DSCAML1: variants seen among roughly 807,000 people sequenced by gnomAD.
DSCAML1 encodes cell adhesion molecule DSCAML1.
Under a neutral mutation model 200.5 loss-of-function variants are expected in DSCAML1, and 38 were observed. That is an observed-to-expected ratio of 0.19 (90% confidence interval 0.15 to 0.25). The LOEUF is 0.25. DSCAML1 is among the 10% of genes least tolerant of loss of function. The pLI is 1.00. For missense variants in DSCAML1, 2,223 were observed against 2,858.8 expected (o/e 0.78, Z 5.07); for synonymous variants, 1,215 against 1,165.0 (o/e 1.04, Z -0.87).
chr11:117,613,971 G>A (rs1176092933), intron 3 of DSCAML1, among the ~76,000 whole-genome samples: 1 of 152,146 alleles, frequency 6.6e-6, no homozygotes, highest in African/African-American at 2.4e-5. Flanking sequence ...GGTGGGGCAG[G>A]GGTGTGGGGA....
chr11:117,508,956 C>G (rs79071644), intron 8 of DSCAML1, among the ~76,000 whole-genome samples: 5,393 of 152,186 alleles, frequency 0.035, 334 homozygotes, highest in African/African-American at 0.12. Flanking sequence ...GAGCAAGTTA[C>G]TAAGGCAGGT....
rs200183756 is a variant in DSCAML1, at chr11:117,428,305, C to T, written c.*23G>A. 79 of 1,344,736 alleles carry T rather than the reference C, an allele frequency of 5.9e-5. No homozygotes were observed. Among genetic ancestry groups the T allele is most frequent in the Non-Finnish European group, 6.9e-5 (66 of 949,982 alleles). The allele number at this position is 1,344,736 out of a possible 1,614,324, so 83.3% of individuals were successfully genotyped here. A position where few individuals can be genotyped will look rare whatever the true frequency, so the allele number is the denominator to read the frequency against. ...GGGCTGCGGCGCGGCGCGGTCCAGG[C>T]GTGGCTGCTCTTCCTGCGGGCCCTA... On this transcript the variant is annotated 3_prime_UTR_variant, in exon 33 of 33. Coordinates refer to ENST00000651296, the MANE Select transcript of DSCAML1 (RefSeq NM_020693.4).
At chr11:117,746,016 C>A (rs933662811) in intron 3 of DSCAML1, among the ~76,000 whole-genome samples, 1 of 151,406 alleles carries the variant, frequency 6.6e-6, no homozygotes, top group African/African-American at 2.4e-5. Flanking sequence ...AGATCGAGAA[C>A]ACCCTGGATA....
At chr11:117,492,588 C>T (rs1432377368) in intron 11 of DSCAML1, among the ~76,000 whole-genome samples, 1 of 152,130 alleles carries the variant, frequency 6.6e-6, no homozygotes, top group African/African-American at 2.4e-5. Flanking sequence ...CCCCAACCCA[C>T]CCCACTCCCC....
At chr11:117,679,336 C>T (rs1370930446) in intron 3 of DSCAML1, among the ~76,000 whole-genome samples, 2 of 152,188 alleles carry the variant, frequency 1.3e-5, no homozygotes, top group East Asian at 3.9e-4. Context: ...GCTGTGCAGT[C>T]AGCAGCCCTT....
chr11:117,578,204 C>T (rs2050981825), intron 3 of DSCAML1, among the ~76,000 whole-genome samples: 1 of 142,320 alleles, frequency 7.0e-6, no homozygotes, highest in African/African-American at 2.7e-5. Context: ...CATTGTATTC[C>T]AGCCTGGGCA....
chr11:117,628,676 G>A (rs985273060), intron 3 of DSCAML1, among the ~76,000 whole-genome samples: 1 of 152,108 alleles, frequency 6.6e-6, no homozygotes, highest in African/African-American at 2.4e-5. Context: ...CTTGCATTGT[G>A]GTGAAGGGTA....
intron 3 of DSCAML1, among the ~76,000 whole-genome samples, chr11:117,615,356 C>A (rs2051790920): frequency 6.6e-6 from 1 of 152,218 alleles, no homozygotes; most frequent in African/African-American, 2.4e-5. Context: ...GTCCTGGATG[C>A]TGGGCCTGCT....
intron 3 of DSCAML1, among the ~76,000 whole-genome samples, chr11:117,576,952 C>T (rs2050943812): frequency 6.6e-6 from 1 of 152,230 alleles, no homozygotes; most frequent in African/African-American, 2.4e-5. Flanking sequence ...CCACTTTTCA[C>T]ATGACTTGGG....
At chr11:117,559,627 C>T (rs542949757) in intron 3 of DSCAML1, among the ~76,000 whole-genome samples, 4 of 152,176 alleles carry the variant, frequency 2.6e-5, no homozygotes, top group Non-Finnish European at 4.4e-5. Flanking sequence ...TTTATCCCCC[C>T]TCTCGTTGCA....
chr11:117,543,292 G>A (rs1456643320), intron 3 of DSCAML1, among the ~76,000 whole-genome samples: 2 of 152,236 alleles, frequency 1.3e-5, no homozygotes, highest in African/African-American at 4.8e-5. Context: ...CATGGTGCAT[G>A]CGCTGGCATG....
At chr11:117,468,808 A>T (rs2048632391) in intron 16 of DSCAML1, among the ~76,000 whole-genome samples, 1 of 152,150 alleles carries the variant, frequency 6.6e-6, no homozygotes, top group Non-Finnish European at 1.5e-5. Context: ...TCTTAGGAAA[A>T]ATATCACTAG....
chr11:117,529,298 G>C (rs2050032740), intron 4 of DSCAML1, among the ~76,000 whole-genome samples: 2 of 152,128 alleles, frequency 1.3e-5, no homozygotes, highest in Admixed American at 1.3e-4. Flanking sequence ...GGCTGGTCTT[G>C]AACTCCTGTC....
chr11:117,570,988 T>C (rs10502226), intron 3 of DSCAML1, among the ~76,000 whole-genome samples: 1 of 152,368 alleles, frequency 6.6e-6, no homozygotes, highest in South Asian at 2.1e-4. Flanking sequence ...TGAGGGTAGA[T>C]GCTAAGCTTT....
intron 3 of DSCAML1, among the ~76,000 whole-genome samples, chr11:117,743,182 G>A (rs990783943): frequency 6.6e-6 from 1 of 152,176 alleles, no homozygotes; most frequent in African/African-American, 2.4e-5. Flanking sequence ...AAGTCAATAA[G>A]CAGTGACAGC....
At chr11:117,451,065 A>T (rs1054766649) in intron 19 of DSCAML1, among the ~76,000 whole-genome samples, 3 of 152,172 alleles carry the variant, frequency 2.0e-5, no homozygotes, top group African/African-American at 7.2e-5. Context: ...TTAGGGGGAA[A>T]ATACCCGGCA....
chr11:117,732,256 T>TTTTG (rs2054235567), intron 3 of DSCAML1, among the ~76,000 whole-genome samples: 1 of 152,202 alleles, frequency 6.6e-6, no homozygotes, highest in Non-Finnish European at 1.5e-5. Context: ...TATTATTATT[T>TTTTG]TCCAGTTTAT....
At chr11:117,563,781 C>T (rs1022916779) in intron 3 of DSCAML1, among the ~76,000 whole-genome samples, 15 of 152,088 alleles carry the variant, frequency 9.9e-5, no homozygotes, top group Non-Finnish European at 1.8e-4. Context: ...CGTGTGACAG[C>T]GAGGACCATT....
At chr11:117,507,409 G>C (rs991251428) in intron 8 of DSCAML1, among the ~76,000 whole-genome samples, 26 of 152,172 alleles carry the variant, frequency 1.7e-4, no homozygotes, top group African/African-American at 6.3e-4. Context: ...CCGCCCTCAG[G>C]GCACCCCTGC....
Sources: gnomAD v4.1 joint callset for allele counts (sites outside exome capture counted in the v4.1 genomes callset) on GRCh38, gnomAD v4.1.1 for gene constraint, MANE v1.5 for transcripts, NCBI Gene and HGNC (gene_info 2026-07-23, HGNC 2026-07-21) for gene names.